The following NUP133 variants were observed in gnomAD, a reference collection of about 807,000 sequenced individuals.
NUP133 encodes nucleoporin 133.
In NUP133, 66 loss-of-function variants were observed where a neutral mutation model predicts 146.2. That is an observed-to-expected ratio of 0.45 (90% CI 0.37 to 0.55). The LOEUF (loss-of-function observed/expected upper bound fraction) is 0.55. Ranked by LOEUF, NUP133 falls within the 20% of genes least tolerant of loss-of-function variation. The pLI, the probability that NUP133 is intolerant of heterozygous loss-of-function variation, is 0.00. For synonymous variants in NUP133, 521 were observed against 498.8 expected, an observed-to-expected ratio of 1.04 and a Z score of -0.59; for missense variants, 1,277 against 1,374.8, an observed-to-expected ratio of 0.93 and a Z score of 1.12.
intron 12 of NUP133, among the ~76,000 whole-genome samples, chr1:229,480,150 A>C (rs1661174603): frequency 6.6e-6 from 1 of 152,114 alleles, no homozygotes; most frequent in Admixed American, 6.5e-5. Flanking sequence ...ATCCAGATAC[A>C]TTCATAGCTA....
In NUP133 at chr1:229,464,878, G is replaced by C. The variant is rs1285915990; in HGVS notation, c.2300-3C>G. ...GATGCCACCAGGACCACTTGTTGCT[G>C]TGAAATTACACAAAATAATATGGTT... On this transcript the variant is annotated splice_polypyrimidine_tract_variant and splice_region_variant and intron_variant, in intron 17 of 25. Coordinates refer to ENST00000261396, the MANE Select transcript of NUP133 (RefSeq NM_018230.3). 14 of 1,613,474 alleles carry C rather than the reference G, an allele frequency of 8.7e-6. No individual in the cohort carries two copies. The highest frequency in any genetic ancestry group is 1.2e-5 in the Non-Finnish European group (14 of 1,179,550).
intron 9 of NUP133, among the ~76,000 whole-genome samples, chr1:229,489,182 T>C (rs1661441256): frequency 6.6e-6 from 1 of 152,152 alleles, no homozygotes; most frequent in South Asian, 2.1e-4. Context: ...TCTCATTATG[T>C]TGCCTAAGCT....
chr1:229,446,931 C>A (rs1334961529), intron 24 of NUP133, among the ~76,000 whole-genome samples: 1 of 151,888 alleles, frequency 6.6e-6, no homozygotes, highest in Non-Finnish European at 1.5e-5. Flanking sequence ...TCGAGACCAG[C>A]CTGACCAACA....
At chr1:229,502,558 C>CAAAAA (rs58520087) in intron 2 of NUP133, among the ~76,000 whole-genome samples, 27 of 42,672 alleles carry the variant, frequency 6.3e-4, no homozygotes, top group African/African-American at 7.7e-4. Flanking sequence ...GACTCCATCT[C>CAAAAA]AAAAAAAAAA....
At chr1:229,501,645 T>C (rs1190588291) in intron 3 of NUP133, among the ~76,000 whole-genome samples, 3 of 152,240 alleles carry the variant, frequency 2.0e-5, no homozygotes, top group African/African-American at 7.2e-5. Flanking sequence ...CAACAAAACA[T>C]AGTTCTGTCT....
At chr1:229,505,924 C>T (rs1661923332) in intron 2 of NUP133, 116 bp downstream of exon 2, 1 of 634,354 alleles carries the variant, frequency 1.6e-6, no homozygotes, top group Admixed American at 2.4e-5. Context: ...GACAGGCCAC[C>T]CATCTCTCAC....
At chr1:229,507,785 G>A (rs1661982913) in intron 1 of NUP133, 1 of 335,192 alleles carries the variant, frequency 3.0e-6, no homozygotes, top group African/African-American at 2.2e-5. Context: ...CAGATCACAC[G>A]GGTAGTAGGT....
At position 229,460,785 on chromosome 1, in the gene NUP133, C is replaced by A; in HGVS notation, c.2686-16G>T. ...CTGAAAAATTCTACAAATAACAGAACATAGAATTCATTCATAATAGTTTAA... is the reference window on the plus strand; with the variant it reads ...CTGAAAAATTCTACAAATAACAGAAAATAGAATTCATTCATAATAGTTTAA... On this transcript the variant is annotated splice_polypyrimidine_tract_variant and intron_variant, in intron 19 of 25. Transcript: ENST00000261396. The A allele has an allele frequency of 6.3e-7, 1 of 1,595,070 alleles. No homozygotes were observed. The highest frequency in any genetic ancestry group is 1.1e-5 in the South Asian group (1 of 88,464).
In NUP133 at chr1:229,470,894, C is replaced by A. The variant is rs996319283; in HGVS notation, c.1852-90G>T. On this transcript the variant is annotated intron_variant, in intron 14 of 25. Coordinates refer to ENST00000261396, the MANE Select transcript of NUP133 (RefSeq NM_018230.3). ...GTATTTTCCCCAGAAGCACCCTGGG[C>A]AGTCACTGGCCCCAGCTTTCCCCCA... The A allele has an allele frequency of 2.2e-5, 24 of 1,108,592 alleles. No homozygotes were observed. The African/African-American group carries it at 3.5e-4, about 16-fold the overall frequency. The allele number at this position is 1,108,592 out of a possible 1,614,324, so 68.7% of individuals were successfully genotyped here.
At chr1:229,486,840 T>C (rs576208752) in intron 10 of NUP133, among the ~76,000 whole-genome samples, 2 of 152,008 alleles carry the variant, frequency 1.3e-5, no homozygotes, top group Non-Finnish European at 2.9e-5. Context: ...AGAAGAGCTT[T>C]TTCAATCCTG....
intron 1 of NUP133, among the ~76,000 whole-genome samples, chr1:229,507,762 G>T (rs953681545): frequency 6.6e-6 from 1 of 152,134 alleles, no homozygotes; most frequent in Non-Finnish European, 1.5e-5. Context: ...AGAAAATCAC[G>T]AGTGACTTAC....
At chr1:229,462,430 T>C (rs1571913704) in intron 19 of NUP133, among the ~76,000 whole-genome samples, 1 of 152,248 alleles carries the variant, frequency 6.6e-6, no homozygotes, top group Admixed American at 6.5e-5. Flanking sequence ...TTTGTGTTTA[T>C]AGTGGTTTTC....
At chr1:229,498,837 TTCA>T (rs1363716185) in intron 5 of NUP133, among the ~76,000 whole-genome samples, 3 of 152,000 alleles carry the variant, frequency 2.0e-5, no homozygotes, top group Non-Finnish European at 2.9e-5. Flanking sequence ...AAACTACAAG[TTCA>T]TCATATTTCA....
intron 21 of NUP133, among the ~76,000 whole-genome samples, chr1:229,454,011 T>A (rs1251412945): frequency 6.6e-6 from 1 of 152,198 alleles, no homozygotes; most frequent in East Asian, 1.9e-4. Context: ...AATATATTGA[T>A]TGAAAATAAT....
At chr1:229,481,456 C>T (rs1489976780) in intron 12 of NUP133, among the ~76,000 whole-genome samples, 1 of 152,088 alleles carries the variant, frequency 6.6e-6, no homozygotes, top group Non-Finnish European at 1.5e-5. Context: ...CACCTGTAAT[C>T]CCAGCACTCT....
intron 5 of NUP133, 126 bp from the exon 6 acceptor site, chr1:229,498,432 T>A (rs1039419267): frequency 3.3e-6 from 2 of 607,418 alleles, no homozygotes; most frequent in Non-Finnish European, 5.3e-6. Flanking sequence ...AAATAGAACG[T>A]TGTTATTTTA....
Position 229,441,749 on chromosome 1 carries a change from CA to C in NUP133, c.*154del. ...TAACTGAAAACCAAAATCACAGTTA[CA>C]TAACTATTTTATATTAGCTTCCTAC... On this transcript the variant is annotated 3_prime_UTR_variant, in exon 26 of 26. Coordinates refer to ENST00000261396, the MANE Select transcript of NUP133 (RefSeq NM_018230.3). 1.6e-6 allele frequency: 1 copy of C among 620,094 alleles called. No individual in the cohort carries two copies. The highest frequency in any genetic ancestry group is 2.7e-6 in the Non-Finnish European group (1 of 373,358). 38.4% of individuals were successfully genotyped at this position (620,094 alleles called of 1,614,324 possible).
At chr1:229,468,487 A>G (rs1279419064) in intron 15 of NUP133, among the ~76,000 whole-genome samples, 1 of 152,108 alleles carries the variant, frequency 6.6e-6, no homozygotes, top group African/African-American at 2.4e-5. Context: ...AGTCCTAAAC[A>G]TTACCATTTT....
intron 11 of NUP133, 123 bp from the exon 12 acceptor site, chr1:229,484,268 T>A: frequency 1.6e-6 from 1 of 625,160 alleles, no homozygotes; most frequent in Non-Finnish European, 2.8e-6. Flanking sequence ...TGCCGTATTG[T>A]CTGTACCAGG....
Sources: allele counts gnomAD v4.1 joint callset (sites outside exome capture counted in the v4.1 genomes callset), GRCh38; gene constraint gnomAD v4.1.1; transcripts MANE v1.5; gene names NCBI Gene and HGNC (gene_info 2026-07-23, HGNC 2026-07-21).